Variants in PHLDB2 observed in about 807,000 individuals in gnomAD.
PHLDB2 encodes pleckstrin homology-like domain family B member 2.
Under a neutral mutation model 123.6 loss-of-function variants are expected in PHLDB2, and 71 were observed. The ratio of observed to expected loss-of-function variants is 0.57; its 90% CI spans 0.47 to 0.70. The LOEUF (loss-of-function observed/expected upper bound fraction) is 0.70, where lower values mean the gene tolerates loss of function less well. Among genes scored for constraint, PHLDB2 ranks in the 30% least tolerant of loss-of-function variants. The probability of loss-of-function intolerance (pLI) is 0.00; values close to 1 mark genes in which losing one functional copy is unlikely to be tolerated. For missense variants in PHLDB2, 1,446 were observed against 1,519.5 expected, an observed-to-expected ratio of 0.95 and a Z score of 0.80; for synonymous variants, 547 against 541.6, an observed-to-expected ratio of 1.01 and a Z score of -0.14.
intron 1 of PHLDB2, among the ~76,000 whole-genome samples, chr3:111,759,301 T>G (rs1311583484): frequency 1.3e-5 from 2 of 152,306 alleles, no homozygotes; most frequent in African/African-American, 4.8e-5. Flanking sequence ...TCGTAGATGG[T>G]GCCTTCTCAC....
intron 17 of PHLDB2, 99 bp from the exon 18 acceptor site, chr3:111,974,324 T>C: frequency 8.6e-7 from 1 of 1,164,330 alleles, no homozygotes. Flanking sequence ...GTAAATTTAA[T>C]AAATTGAAAA....
chr3:111,819,009 G>C (rs1025392101), intron 1 of PHLDB2, among the ~76,000 whole-genome samples: 61 of 152,258 alleles, frequency 4.0e-4, no homozygotes, highest in African/African-American at 1.4e-3. Context: ...TTGGAGCCTA[G>C]AAATCCGAGA....
intron 1 of PHLDB2, among the ~76,000 whole-genome samples, chr3:111,817,407 A>G (rs1030965843): frequency 6.6e-6 from 1 of 152,168 alleles, no homozygotes; most frequent in Non-Finnish European, 1.5e-5. Context: ...GAGGATCCAT[A>G]CCAGCTGACT....
intron 1 of PHLDB2, among the ~76,000 whole-genome samples, chr3:111,795,058 A>G (rs1200143943): frequency 1.3e-5 from 2 of 152,208 alleles, no homozygotes; most frequent in African/African-American, 4.8e-5. Flanking sequence ...ACTGCAAAAT[A>G]TTCTCAAATC....
At chr3:111,900,637 A>G (rs770143744) in intron 2 of PHLDB2, among the ~76,000 whole-genome samples, 1 of 152,218 alleles carries the variant, frequency 6.6e-6, no homozygotes, top group Non-Finnish European at 1.5e-5. Context: ...TCAGATCATC[A>G]TAACAGATAT....
chr3:111,896,038 C>T (rs995766416), intron 2 of PHLDB2, among the ~76,000 whole-genome samples: 9 of 152,094 alleles, frequency 5.9e-5, no homozygotes, highest in African/African-American at 2.2e-4. Context: ...CTATGTTGTC[C>T]AGGCTGGAGT....
intron 1 of PHLDB2, among the ~76,000 whole-genome samples, chr3:111,750,593 C>A (rs1042522119): frequency 2.0e-5 from 3 of 152,110 alleles, no homozygotes; most frequent in Admixed American, 6.5e-5. Flanking sequence ...TCATCTTCTA[C>A]CCCAGTGTTT....
Position 111,748,769 on chromosome 3 carries a change from A to G in PHLDB2, c.-49+16066A>G, listed in dbSNP as rs573101498. Among the ~76,000 whole-genome samples, 26 of 152,094 alleles carry G rather than the reference A, an allele frequency of 1.7e-4. No homozygotes were observed. In the East Asian group the frequency reaches 4.8e-3, roughly 28 times the overall value. Reference sequence around the variant, plus strand: ...ACTCCTGACCTCAGGTGATCCACCCACCTCGGCCTCCCAAAGTGCTGGGAT... The same window carrying G: ...ACTCCTGACCTCAGGTGATCCACCCGCCTCGGCCTCCCAAAGTGCTGGGAT... On this transcript the variant is annotated intron_variant, in intron 1 of 17. Coordinates refer to the PHLDB2 transcript ENST00000393923.
intron 12 of PHLDB2, among the ~76,000 whole-genome samples, chr3:111,959,911 C>G (rs762405395): frequency 1.4e-4 from 21 of 152,184 alleles, no homozygotes; most frequent in Non-Finnish European, 2.6e-4. Context: ...GGCAATGTCA[C>G]TCATTGCCAG....
intron 12 of PHLDB2, among the ~76,000 whole-genome samples, chr3:111,956,804 G>A (rs1480086234): frequency 1.3e-5 from 2 of 152,160 alleles, no homozygotes; most frequent in Non-Finnish European, 2.9e-5. Context: ...AAAAACCCAG[G>A]AGGGATGGAT....
chr3:111,902,196 G>T (rs2067242955), intron 2 of PHLDB2, among the ~76,000 whole-genome samples: 1 of 152,172 alleles, frequency 6.6e-6, no homozygotes, highest in African/African-American at 2.4e-5. Context: ...CTAACAAAAT[G>T]CTGAGGTGGA....
chr3:111,948,872 A>G (rs1411471541), intron 9 of PHLDB2, 60 bp from the exon 10 acceptor site: 1 of 1,541,270 alleles, frequency 6.5e-7, no homozygotes. Context: ...GAACATTAAT[A>G]CTCTCGCATG....
intron 1 of PHLDB2, among the ~76,000 whole-genome samples, chr3:111,793,587 T>C (rs893676640): frequency 5.3e-5 from 8 of 151,782 alleles, no homozygotes; most frequent in Non-Finnish European, 1.2e-4. Context: ...AAAGAGTCCC[T>C]CCCCATAGCC....
intron 14 of PHLDB2, among the ~76,000 whole-genome samples, chr3:111,966,975 T>G (rs1191473798): frequency 6.6e-6 from 1 of 152,028 alleles, no homozygotes; most frequent in Non-Finnish European, 1.5e-5. Context: ...GTGTTTTTTT[T>G]TTGTTTTTTG....
At chr3:111,880,735 C>T (rs1453892469) in intron 1 of PHLDB2, among the ~76,000 whole-genome samples, 2 of 151,522 alleles carry the variant, frequency 1.3e-5, no homozygotes, top group African/African-American at 4.9e-5. Flanking sequence ...CCTGTTCATC[C>T]AAGTGCTTGG....
At chr3:111,750,710 T>C (rs1245958840) in intron 1 of PHLDB2, among the ~76,000 whole-genome samples, 1 of 151,604 alleles carries the variant, frequency 6.6e-6, no homozygotes, top group Non-Finnish European at 1.5e-5. Context: ...CTTTGGGAGG[T>C]CAAGGCGGGC....
In PHLDB2 at chr3:111,866,014, A is replaced by ATTTTTTTTTTTTTTTTTTTT. The variant is rs61038523; in HGVS notation, c.-15+6443_-15+6462dup. 2.0e-3 allele frequency among the ~76,000 whole-genome samples: 115 copies of ATTTTTTTTTTTTTTTTTTTT among 57,412 alleles called. 22 individuals carry two copies. The highest frequency in any genetic ancestry group is 3.4e-3 in the East Asian group (4 of 1,170). The allele number at this position is 57,412 out of a possible 152,430, so 37.7% of individuals were successfully genotyped here. On this transcript the variant is annotated intron_variant, in intron 1 of 17. Transcript: ENST00000431670. The stretch of plus-strand genomic sequence containing the variant: ...TTTTAGAAACCTACCCCACCCACTC[A>ATTTTTTTTTTTTTTTTTTTT]TTTTTTTTTTTTTTTTTTTTTTTTG...
rs1421857690 is a variant in PHLDB2 at position 111,916,771 on chromosome 3, G to C, written c.1720-2301G>C. On this transcript the variant is annotated intron_variant, in intron 3 of 17. Transcript: ENST00000431670. ...CCTTTGGCTGCAAAAAGGGTTTTAA[G>C]AAGAAATCTGTGAAAAAGGGGCAAG... The C allele has an allele frequency of 3.3e-5, 5 of 152,090 alleles. No individual in the cohort carries two copies. In the East Asian group the frequency reaches 7.7e-4, roughly 23 times the overall value. The allele number at this position is 152,090 out of a possible 1,614,324, so 9.4% of individuals were successfully genotyped here.
chr3:111,849,371 A>G (rs978591081), intron 2 of PHLDB2, among the ~76,000 whole-genome samples: 10 of 152,066 alleles, frequency 6.6e-5, no homozygotes, highest in African/African-American at 2.4e-4. Flanking sequence ...GGGTTTTGCT[A>G]TGTTGTCTAG....
Sources: gnomAD v4.1 joint callset for allele counts (sites outside exome capture counted in the v4.1 genomes callset) on GRCh38, gnomAD v4.1.1 for gene constraint, MANE v1.5 for transcripts, NCBI Gene and HGNC (gene_info 2026-07-23, HGNC 2026-07-21) for gene names.